Variants in RXRA observed in about 807,000 individuals in gnomAD.
RXRA encodes retinoid X receptor alpha.
In RXRA, 5 loss-of-function variants were observed where a neutral mutation model predicts 44.5. The observed-to-expected ratio is 0.11, with a 90% confidence interval of 0.06 to 0.24. RXRA has a LOEUF of 0.24. RXRA is among the 10% of genes least tolerant of loss of function. RXRA has a pLI of 1.00. For synonymous variants in RXRA, 291 were observed against 271.4 expected, an observed-to-expected ratio of 1.07 and a Z score of -0.71; for missense variants, 412 against 646.5, an observed-to-expected ratio of 0.64 and a Z score of 3.93.
intron 1 of RXRA, among the ~76,000 whole-genome samples, chr9:134,375,340 G>A (rs1257908408): frequency 6.6e-6 from 1 of 152,148 alleles, no homozygotes; most frequent in Non-Finnish European, 1.5e-5. Context: ...GGCTGTGGCT[G>A]GCTGGGCACC....
intron 1 of RXRA, among the ~76,000 whole-genome samples, chr9:134,377,947 G>T (rs1830583092): frequency 6.6e-6 from 1 of 152,236 alleles, no homozygotes; most frequent in South Asian, 2.1e-4. Flanking sequence ...ATCCAGGTGT[G>T]TGCGGAAGGG....
chr9:134,434,297 G>A, intron 9 of RXRA, 90 bp downstream of exon 9: 1 of 935,844 alleles, frequency 1.1e-6, no homozygotes, highest in Admixed American at 2.1e-5. Context: ...ATGTGAATGA[G>A]AAGGTGGCAC....
At chr9:134,334,954 G>A (rs1041815476) in intron 1 of RXRA, among the ~76,000 whole-genome samples, 1 of 152,180 alleles carries the variant, frequency 6.6e-6, no homozygotes, top group Non-Finnish European at 1.5e-5. Context: ...GTGGCCTGGG[G>A]GCATGGCAGA....
chr9:134,342,341 C>T lies in RXRA; in HGVS notation c.28+15682C>T, dbSNP rs868955877. Reference sequence around the variant, plus strand: ...CAGAACCCTGGGGGAGGGAGTTGCCCTCATTTACAGAGGGGGCCTGGGCTC... The same window carrying T: ...CAGAACCCTGGGGGAGGGAGTTGCCTTCATTTACAGAGGGGGCCTGGGCTC... On this transcript the variant is annotated intron_variant, in intron 1 of 9. Coordinates refer to ENST00000481739, the MANE Select transcript of RXRA (RefSeq NM_002957.6). This position sits in a 1 kb window ranked among gnomAD's most constrained non-coding sequence, Gnocchi z 4.4. 6.6e-6 allele frequency among the ~76,000 whole-genome samples: 1 copy of T among 152,112 alleles called. No individual in the cohort carries two copies. Among genetic ancestry groups the T allele is most frequent in the African/African-American group, 2.4e-5 (1 of 41,406 alleles).
rs1831457795 is a variant in RXRA at position 134,427,703 on chromosome 9, A to C, written c.911-1405A>C. ...CATGACAGGGTGGGTATGTGCTGGG[A>C]GGGTGTGGAGGGCCGAGCCGGAGCT... On this transcript the variant is annotated intron_variant, in intron 6 of 9. Transcript: ENST00000481739. Among the ~76,000 whole-genome samples, 4 of 152,050 alleles carry C rather than the reference A, an allele frequency of 2.6e-5. No homozygotes were observed. The East Asian group carries it at 7.7e-4, about 29-fold the overall frequency.
In RXRA at chr9:134,379,141, C is replaced by T. The variant is rs923707754; in HGVS notation, c.29-22491C>T. On this transcript the variant is annotated intron_variant, in intron 1 of 9. Coordinates refer to ENST00000481739, the MANE Select transcript of RXRA (RefSeq NM_002957.6). Reference sequence around the variant, plus strand: ...GGCTCCTCCAGCCTTATAGCTCCTCCCCACCACACCTCCTCTGCACAGCAG... The same window carrying T: ...GGCTCCTCCAGCCTTATAGCTCCTCTCCACCACACCTCCTCTGCACAGCAG... 2.4e-4 allele frequency among the ~76,000 whole-genome samples: 36 copies of T among 152,298 alleles called. 1 individual carries two copies. The highest frequency in any genetic ancestry group is 3.4e-3 in the Middle Eastern group (1 of 294).
At chr9:134,326,989 C>G (rs1834924792) in intron 1 of RXRA, among the ~76,000 whole-genome samples, 1 of 151,530 alleles carries the variant, frequency 6.6e-6, no homozygotes, top group Non-Finnish European at 1.5e-5. Context: ...CGCACAGGAA[C>G]CCGGCCGGAG....
chr9:134,385,045 T>C (rs1830699065), intron 1 of RXRA, among the ~76,000 whole-genome samples: 1 of 152,066 alleles, frequency 6.6e-6, no homozygotes, highest in African/African-American at 2.4e-5. Context: ...GGGCCGTGAG[T>C]CGCTGCTGCT....
At chr9:134,352,551 G>T (rs1310672627) in intron 1 of RXRA, among the ~76,000 whole-genome samples, 2 of 152,174 alleles carry the variant, frequency 1.3e-5, no homozygotes, top group Admixed American at 1.3e-4. Flanking sequence ...TGTGGGAACT[G>T]GCGTCTGTCC....
chr9:134,414,895 T>A (rs1192238744), intron 4 of RXRA, among the ~76,000 whole-genome samples: 3 of 152,018 alleles, frequency 2.0e-5, no homozygotes, highest in African/African-American at 7.2e-5. Flanking sequence ...GAGGGTCGTG[T>A]CAGTAGTGAC....
intron 5 of RXRA, among the ~76,000 whole-genome samples, chr9:134,419,145 C>A (rs1831286308): frequency 6.6e-6 from 1 of 152,248 alleles, no homozygotes; most frequent in Non-Finnish European, 1.5e-5. Context: ...ACCCCCAGCC[C>A]TGGCTGGTCT....
intron 6 of RXRA, chr9:134,427,188 G>A (rs1052734045): frequency 3.1e-6 from 3 of 970,130 alleles, no homozygotes; most frequent in Admixed American, 6.2e-5. Context: ...AAAAAAAGAG[G>A]GTTCTGTGGT....
At position 134,417,601 on chromosome 9, in the gene RXRA, A is replaced by G. The variant is rs1410157780; in HGVS notation, c.780+274A>G. Among the ~76,000 whole-genome samples, 1 of 151,522 alleles carries G rather than the reference A, an allele frequency of 6.6e-6. No homozygotes were observed. On this transcript the variant is annotated intron_variant, in intron 5 of 9. Coordinates refer to ENST00000481739, the MANE Select transcript of RXRA (RefSeq NM_002957.6). The surrounding 1 kb of genome is among the most constrained non-coding windows in gnomAD (Gnocchi z 6.1). The stretch of plus-strand genomic sequence containing the variant: ...GGGCCTGGGGCCCTGCGGCCACATC[A>G]TCATCCTCGGCCACCTCTGCTGGGG...
At chr9:134,370,585 A>G (rs1385412483) in intron 1 of RXRA, among the ~76,000 whole-genome samples, 1 of 152,252 alleles carries the variant, frequency 6.6e-6, no homozygotes, top group Non-Finnish European at 1.5e-5. Context: ...CAGCCTGGTC[A>G]TGCCAGGGCC....
chr9:134,435,079 A>G (rs1831595600), intron 9 of RXRA, among the ~76,000 whole-genome samples: 1 of 152,240 alleles, frequency 6.6e-6, no homozygotes, highest in Non-Finnish European at 1.5e-5. Context: ...CCAGCTCAGC[A>G]GAAAACAGCT....
intron 1 of RXRA, among the ~76,000 whole-genome samples, chr9:134,326,974 C>T (rs1461009840): frequency 6.6e-6 from 1 of 151,366 alleles, no homozygotes; most frequent in Non-Finnish European, 1.5e-5. Flanking sequence ...CAGCTGCAGC[C>T]GCGCCGCACA....
intron 1 of RXRA, among the ~76,000 whole-genome samples, chr9:134,335,133 G>T (rs1933958304): frequency 6.6e-6 from 1 of 152,158 alleles, no homozygotes; most frequent in South Asian, 2.1e-4. Flanking sequence ...GTGTCATGTG[G>T]CTCTGTAGCC....
At chr9:134,346,831 T>G (rs1401194492) in intron 1 of RXRA, among the ~76,000 whole-genome samples, 1 of 152,172 alleles carries the variant, frequency 6.6e-6, no homozygotes, top group Non-Finnish European at 1.5e-5. Flanking sequence ...TGAGGAGCCC[T>G]TGTCGGGACA....
intron 1 of RXRA, among the ~76,000 whole-genome samples, chr9:134,341,058 A>G (rs1171486592): frequency 6.6e-6 from 1 of 152,142 alleles, no homozygotes; most frequent in Admixed American, 6.5e-5. Context: ...TTGACGGCCC[A>G]CCTTGGGGCG....
Sources: allele counts gnomAD v4.1 joint callset (sites outside exome capture counted in the v4.1 genomes callset), GRCh38; gene constraint gnomAD v4.1.1; non-coding constraint Gnocchi (gnomAD v3.1); transcripts MANE v1.5; gene names NCBI Gene and HGNC (gene_info 2026-07-23, HGNC 2026-07-21).